Variants in FBXL17 observed in about 807,000 individuals in gnomAD.
The protein encoded by FBXL17 is F-box/LRR-repeat protein 17.
FBXL17 carries 22 observed loss-of-function variants against 66.2 expected under a neutral mutation model. The observed-to-expected ratio is 0.33, with a 90% CI of 0.24 to 0.47. The LOEUF (loss-of-function observed/expected upper bound fraction) is 0.47, where lower values mean the gene tolerates loss of function less well. FBXL17 is among the 20% of genes least tolerant of loss of function. The probability of loss-of-function intolerance (pLI) is 1.00; values close to 1 mark genes in which losing one functional copy is unlikely to be tolerated. For missense variants in FBXL17, 878 were observed against 948.2 expected (o/e 0.93, Z 0.97); for synonymous variants, 474 against 400.5 (o/e 1.18, Z -2.19).
chr5:108,182,548 T>C (rs1753046331), intron 6 of FBXL17, among the ~76,000 whole-genome samples: 1 of 152,228 alleles, frequency 6.6e-6, no homozygotes, highest in African/African-American at 2.4e-5. Context: ...TTTAAAACTC[T>C]ATTGCTCAAC....
At chr5:108,183,272 C>A (rs1753084404) in intron 6 of FBXL17, among the ~76,000 whole-genome samples, 1 of 152,000 alleles carries the variant, frequency 6.6e-6, no homozygotes, top group Non-Finnish European at 1.5e-5. Context: ...ATCTCTTGAC[C>A]TTGTGATCTG....
chr5:107,946,455 A>AATTATTATTATTATTATTATT (rs143145847), intron 7 of FBXL17, among the ~76,000 whole-genome samples: 1 of 140,330 alleles, frequency 7.1e-6, no homozygotes, highest in African/African-American at 2.6e-5. Context: ...CACACCTGCC[A>AATTATTATTATTATTATTATT]ATTATTATTA....
chr5:108,146,175 T>C (rs1291833610), intron 6 of FBXL17, among the ~76,000 whole-genome samples: 3 of 150,632 alleles, frequency 2.0e-5, no homozygotes, highest in African/African-American at 4.9e-5. Context: ...GAGCTTGCAG[T>C]GAGCCGAGAT....
chr5:108,315,688 C>T (rs1290480167), intron 4 of FBXL17, among the ~76,000 whole-genome samples: 2 of 151,100 alleles, frequency 1.3e-5, no homozygotes, highest in Non-Finnish European at 3.0e-5. Flanking sequence ...ACTTCAGCAC[C>T]ATAGTCTCTC....
intron 6 of FBXL17, among the ~76,000 whole-genome samples, chr5:108,090,676 TTATC>T (rs1375730935): frequency 6.6e-6 from 1 of 152,158 alleles, no homozygotes; most frequent in African/African-American, 2.4e-5. Flanking sequence ...TCATGATAAG[TTATC>T]TTTCTTTTTT....
At chr5:108,305,292 G>A (rs184932338) in intron 4 of FBXL17, among the ~76,000 whole-genome samples, 3 of 151,930 alleles carry the variant, frequency 2.0e-5, no homozygotes, top group African/African-American at 4.8e-5. Flanking sequence ...CAGACACATT[G>A]GGGGGATCAA....
At chr5:107,914,552 G>C (rs1750062871) in intron 7 of FBXL17, among the ~76,000 whole-genome samples, 1 of 152,258 alleles carries the variant, frequency 6.6e-6, no homozygotes, top group African/African-American at 2.4e-5. Context: ...CTCAACTCTG[G>C]GGTTAGGCCT....
chr5:108,112,533 G>A (rs969795149), intron 6 of FBXL17, among the ~76,000 whole-genome samples: 17 of 152,146 alleles, frequency 1.1e-4, no homozygotes, highest in South Asian at 2.1e-4. Context: ...ACCAAACATC[G>A]TCATATTCAC....
chr5:108,011,950 T>TA (rs1271855457), intron 7 of FBXL17, among the ~76,000 whole-genome samples: 7 of 152,188 alleles, frequency 4.6e-5, no homozygotes, highest in African/African-American at 1.7e-4. Context: ...CTAGGAATAG[T>TA]AAAATTATGT....
intron 7 of FBXL17, among the ~76,000 whole-genome samples, chr5:107,969,366 A>G (rs1419873127): frequency 1.3e-5 from 2 of 152,208 alleles, no homozygotes; most frequent in Non-Finnish European, 2.9e-5. Context: ...TGCATTTTAG[A>G]AAAGTTTCCA....
chr5:108,239,456 T>G (rs561027061), intron 4 of FBXL17, among the ~76,000 whole-genome samples: 3 of 152,154 alleles, frequency 2.0e-5, no homozygotes, highest in Non-Finnish European at 4.4e-5. Context: ...TTCCCTGTCA[T>G]AGCGGAAAGC....
At chr5:108,110,747 CAA>C (rs962481788) in intron 6 of FBXL17, among the ~76,000 whole-genome samples, 2 of 144,350 alleles carry the variant, frequency 1.4e-5, no homozygotes. Context: ...TATTAGCATG[CAA>C]AAAAAAAAGG....
chr5:108,230,725 A>AT (rs1020784316), intron 4 of FBXL17, among the ~76,000 whole-genome samples: 23 of 105,716 alleles, frequency 2.2e-4, no homozygotes, highest in East Asian at 3.8e-4. Flanking sequence ...ATGGAAATAA[A>AT]TTTAAAAAAA....
At chr5:108,000,380 T>C (rs2112714079) in intron 7 of FBXL17, among the ~76,000 whole-genome samples, 1 of 152,326 alleles carries the variant, frequency 6.6e-6, no homozygotes, top group South Asian at 2.1e-4. Context: ...GACAGGTTCC[T>C]TGCAGCAGTA....
intron 5 of FBXL17, among the ~76,000 whole-genome samples, chr5:108,190,635 C>T (rs1229998118): frequency 6.6e-6 from 1 of 152,066 alleles, no homozygotes; most frequent in African/African-American, 2.4e-5. Flanking sequence ...TGCATTAGGG[C>T]TAGATAGGTG....
chr5:108,328,600 T>G (rs1045937381), intron 4 of FBXL17, among the ~76,000 whole-genome samples: 1 of 152,190 alleles, frequency 6.6e-6, no homozygotes, highest in Admixed American at 6.5e-5. Context: ...CATGTTGGTA[T>G]GTGTATTAAA....
chr5:107,993,587 G>C (rs10038556), intron 7 of FBXL17, among the ~76,000 whole-genome samples: 17,115 of 152,148 alleles, frequency 0.11, 1,055 homozygotes, highest in East Asian at 0.16. Context: ...ATATCTAAAA[G>C]CCAAGACCTG....
At chr5:108,021,120 G>A in intron 6 of FBXL17, 119 bp from the exon 7 acceptor site, 2 of 671,846 alleles carry the variant, frequency 3.0e-6, no homozygotes, top group Non-Finnish European at 5.3e-6. Context: ...TGGTGTTTCA[G>A]GAAAGGTATT....
intron 7 of FBXL17, among the ~76,000 whole-genome samples, chr5:107,959,176 A>C (rs1245678983): frequency 3.9e-5 from 6 of 152,110 alleles, no homozygotes; most frequent in Non-Finnish European, 2.9e-5. Flanking sequence ...AGGGCTGGCC[A>C]TTAACCTTAA....
Sources: gnomAD v4.1 joint callset for allele counts (sites outside exome capture counted in the v4.1 genomes callset) on GRCh38, gnomAD v4.1.1 for gene constraint, MANE v1.5 for transcripts, NCBI Gene and HGNC (gene_info 2026-07-23, HGNC 2026-07-21) for gene names.